The following PKIA variants were observed in gnomAD, a reference collection of about 807,000 sequenced individuals.
PKIA encodes PKI-alpha.
PKIA carries 4 observed loss-of-function variants against 7.6 expected under a neutral mutation model. That is an observed-to-expected ratio of 0.52 (90% CI 0.26 to 1.20). PKIA has a LOEUF of 1.20. PKIA is among the 50% of genes most tolerant of loss of function. The pLI, the probability that PKIA is intolerant of heterozygous loss-of-function variation, is 0.13. For missense variants in PKIA, 73 were observed against 86.2 expected (o/e 0.85, Z 0.61); for synonymous variants, 21 against 30.7 (o/e 0.68, Z 1.04).
At chr8:78,565,997 A>G (rs911746096) in intron 1 of PKIA, among the ~76,000 whole-genome samples, 8 of 152,044 alleles carry the variant, frequency 5.3e-5, no homozygotes, top group African/African-American at 1.9e-4. Context: ...ATTATTTAAT[A>G]AGTTCTACTT....
In PKIA at chr8:78,604,511, A is replaced by C. The variant is rs960489024; in HGVS notation, c.*2690A>C. 2.0e-5 allele frequency: 3 copies of C among 151,974 alleles called. No homozygotes were observed. The highest frequency in any genetic ancestry group is 7.2e-5 in the African/African-American group (3 of 41,414). The allele number at this position is 151,974 out of a possible 1,614,324, so 9.4% of individuals were successfully genotyped here. On this transcript the variant is annotated 3_prime_UTR_variant, in exon 4 of 4. Coordinates refer to ENST00000396418, the MANE Select transcript of PKIA (RefSeq NM_006823.4). ...TTACAGAAGGAAACTGAATCCCAGAAGGAGAAATTGCCGTTCTCAAGGCTC... is the reference window on the plus strand; with the variant it reads ...TTACAGAAGGAAACTGAATCCCAGACGGAGAAATTGCCGTTCTCAAGGCTC...
intron 1 of PKIA, among the ~76,000 whole-genome samples, chr8:78,546,682 T>C (rs1179240812): frequency 6.6e-6 from 1 of 152,222 alleles, no homozygotes; most frequent in Non-Finnish European, 1.5e-5. Context: ...CTGATTGTTT[T>C]TCATTCAGCT....
chr8:78,535,029 T>A (rs889077479), intron 1 of PKIA: 6 of 152,142 alleles, frequency 3.9e-5, no homozygotes, highest in African/African-American at 1.4e-4. Flanking sequence ...TTTACTGCCA[T>A]GAGTTGAAAA....
rs113777638 is a variant in PKIA at position 78,559,512 on chromosome 8, G to C, written c.-156-13299G>C. Among the ~76,000 whole-genome samples, 135 of 152,294 alleles carry C rather than the reference G, an allele frequency of 8.9e-4. 2 individuals carry two copies. Among genetic ancestry groups the C allele is most frequent in the African/African-American group, 3.0e-3 (125 of 41,574 alleles). ...AACTGAAGAGTTATACCTTTATGCA[G>C]TTTAAAAATAATAGACTGATATCTA... On this transcript the variant is annotated intron_variant, in intron 1 of 3. Coordinates refer to ENST00000396418, the MANE Select transcript of PKIA (RefSeq NM_006823.4).
At chr8:78,570,013 G>T (rs1334092201) in intron 1 of PKIA, among the ~76,000 whole-genome samples, 1 of 152,094 alleles carries the variant, frequency 6.6e-6, no homozygotes, top group Non-Finnish European at 1.5e-5. Context: ...TAGTGAAGAA[G>T]TGGGTAGGAA....
chr8:78,537,829 TG>T (rs1455912691), intron 1 of PKIA, among the ~76,000 whole-genome samples: 1 of 152,060 alleles, frequency 6.6e-6, no homozygotes, highest in East Asian at 1.9e-4. Context: ...ATGGGCCTTC[TG>T]CTGCAGACAT....
chr8:78,551,511 C>T (rs1351394408), intron 1 of PKIA, among the ~76,000 whole-genome samples: 4 of 151,864 alleles, frequency 2.6e-5, no homozygotes, highest in African/African-American at 9.7e-5. Flanking sequence ...AAACTGTAAT[C>T]GTTTAATTTT....
intron 1 of PKIA, among the ~76,000 whole-genome samples, chr8:78,526,958 G>A (rs143655687): frequency 1.3e-4 from 19 of 151,732 alleles, no homozygotes; most frequent in South Asian, 8.3e-4. Context: ...TGGGCCATTT[G>A]GGTTTTAAAA....
Position 78,591,011 on chromosome 8 carries a change from T to TTTTC in PKIA, c.-27-7332_-27-7329dup, listed in dbSNP as rs1302394405. 8.5e-5 allele frequency among the ~76,000 whole-genome samples: 13 copies of TTTTC among 152,288 alleles called. No homozygotes were observed. The East Asian group carries it at 1.7e-3, about 20-fold the overall frequency. On this transcript the variant is annotated intron_variant, in intron 2 of 3. Transcript: ENST00000396418. ...TTTTGTAATAGTGGAAAAAGGGGAA[T>TTTTC]TTTCTTTCTTTCTTTCTTACTTAAA...
chr8:78,593,081 CATT>C (rs1808142519), intron 2 of PKIA, among the ~76,000 whole-genome samples: 1 of 152,126 alleles, frequency 6.6e-6, no homozygotes, highest in African/African-American at 2.4e-5. Flanking sequence ...TACTTTACAT[CATT>C]GTTATCAGAT....
At chr8:78,543,652 T>G (rs997208645) in intron 1 of PKIA, among the ~76,000 whole-genome samples, 4 of 152,170 alleles carry the variant, frequency 2.6e-5, no homozygotes, top group Admixed American at 2.0e-4. Flanking sequence ...GGTATGGTGG[T>G]GCCAGTGATA....
At chr8:78,543,607 C>T (rs937759957) in intron 1 of PKIA, among the ~76,000 whole-genome samples, 1 of 152,098 alleles carries the variant, frequency 6.6e-6, no homozygotes, top group African/African-American at 2.4e-5. Flanking sequence ...TTGTTCACAC[C>T]TAAACCCAGG....
intron 2 of PKIA, among the ~76,000 whole-genome samples, chr8:78,584,759 C>T (rs1807909026): frequency 6.6e-6 from 1 of 151,986 alleles, no homozygotes; most frequent in East Asian, 1.9e-4. Context: ...AAACACTTTT[C>T]TAAAATTTAG....
intron 2 of PKIA, among the ~76,000 whole-genome samples, chr8:78,582,749 A>C (rs1275844758): frequency 3.3e-5 from 5 of 152,180 alleles, no homozygotes; most frequent in Admixed American, 3.3e-4. Context: ...CATGAAATTC[A>C]TAAGAAAAAA....
At position 78,550,022 on chromosome 8, in the gene PKIA, C is replaced by T. The variant is rs143718840; in HGVS notation, c.-156-22789C>T. Among the ~76,000 whole-genome samples, 651 of 152,096 alleles carry T rather than the reference C, an allele frequency of 4.3e-3. 2 individuals carry two copies. Among genetic ancestry groups the T allele is most frequent in the African/African-American group, 0.015 (626 of 41,500 alleles). On this transcript the variant is annotated intron_variant, in intron 1 of 3. Transcript: ENST00000396418. Reference sequence around the variant, plus strand: ...TTGAGTAGAACATTAGGCAAAGATCCGTTTCTTCCTCTTGTATAAAATCTG... The same window carrying T: ...TTGAGTAGAACATTAGGCAAAGATCTGTTTCTTCCTCTTGTATAAAATCTG...
At chr8:78,546,624 C>T (rs1003850123) in intron 1 of PKIA, among the ~76,000 whole-genome samples, 3 of 152,094 alleles carry the variant, frequency 2.0e-5, no homozygotes, top group African/African-American at 4.8e-5. Context: ...AGATGTGGAG[C>T]GGAGTTTGAA....
At chr8:78,535,482 C>G (rs1010687601) in intron 1 of PKIA, 3 of 151,764 alleles carry the variant, frequency 2.0e-5, no homozygotes, top group Non-Finnish European at 4.4e-5. Context: ...CCAGTTTTAA[C>G]AAGTTCCTAG....
chr8:78,540,448 T>C (rs891540265), intron 1 of PKIA, among the ~76,000 whole-genome samples: 1 of 152,084 alleles, frequency 6.6e-6, no homozygotes, highest in African/African-American at 2.4e-5. Context: ...GTCAAATCCC[T>C]GCAGGGCCAA....
At chr8:78,593,967 C>A (rs745979155) in intron 2 of PKIA, among the ~76,000 whole-genome samples, 1 of 152,158 alleles carries the variant, frequency 6.6e-6, no homozygotes, top group Non-Finnish European at 1.5e-5. Context: ...TAATATATTT[C>A]TTCCTCATTG....
Sources: gnomAD v4.1 joint callset for allele counts (sites outside exome capture counted in the v4.1 genomes callset) on GRCh38, gnomAD v4.1.1 for gene constraint, MANE v1.5 for transcripts, NCBI Gene and HGNC (gene_info 2026-07-23, HGNC 2026-07-21) for gene names.